Variants in TNFRSF1B observed in about 807,000 individuals in gnomAD.
The protein encoded by TNFRSF1B is TNF receptor superfamily member 1B, also known as tumor necrosis factor receptor superfamily member 1B.
Under a neutral mutation model 44.6 loss-of-function variants are expected in TNFRSF1B, and 19 were observed. That is an observed-to-expected ratio of 0.43 (90% CI 0.30 to 0.62). TNFRSF1B has a LOEUF of 0.62. Among genes scored for constraint, TNFRSF1B ranks in the 20% least tolerant of loss-of-function variants. The probability of loss-of-function intolerance (pLI) is 0.16; values close to 1 mark genes in which losing one functional copy is unlikely to be tolerated. For missense variants in TNFRSF1B, 541 were observed against 619.9 expected (o/e 0.87, Z 1.35); for synonymous variants, 252 against 261.1 (o/e 0.97, Z 0.34).
At chr1:12,173,600 T>C (rs572516176) in intron 1 of TNFRSF1B, among the ~76,000 whole-genome samples, 12 of 152,312 alleles carry the variant, frequency 7.9e-5, no homozygotes, top group African/African-American at 2.2e-4. Flanking sequence ...AAGTCCTTAC[T>C]GTAGGCAGGC....
At position 12,193,036 on chromosome 1, in the gene TNFRSF1B, T is replaced by C; in HGVS notation, c.725T>C (p.Leu242Pro). The change falls in exon 6 of 10, where the codon CTG becomes CCG. Residue 242 changes from leucine (L) to proline (P), a missense_variant. Transcript: ENST00000376259. ...EPSTAPSTSF[L>P]LPMGPSPPAE... ...AGCACTGCTCCAAGCACCTCCTTCC[T>C]GCTCCCAATGGGCCCCAGCCCCCCA... 9 of 1,614,192 alleles carry C rather than the reference T, an allele frequency of 5.6e-6. No individual in the cohort carries two copies. The highest frequency in any genetic ancestry group is 7.6e-6 in the Non-Finnish European group (9 of 1,180,038).
intron 1 of TNFRSF1B, among the ~76,000 whole-genome samples, chr1:12,183,850 T>TCTATCTATCTAC (rs1390376605): frequency 0.012 from 1,625 of 137,192 alleles, 24 homozygotes; most frequent in South Asian, 0.024. Context: ...TATCTATCTA[T>TCTATCTATCTAC]CTACCTACCT....
chr1:12,183,707 TCTATTCTATCTAC>T (rs1638885194), intron 1 of TNFRSF1B, among the ~76,000 whole-genome samples: 40 of 107,004 alleles, frequency 3.7e-4, no homozygotes, highest in African/African-American at 1.0e-3. Context: ...TATCTATCTA[TCTATTCTATCTAC>T]CTATCTATCT....
intron 1 of TNFRSF1B, among the ~76,000 whole-genome samples, chr1:12,188,178 A>G (rs1639027997): frequency 6.7e-6 from 1 of 149,442 alleles, no homozygotes; most frequent in Non-Finnish European, 1.5e-5. Flanking sequence ...TGCTGTCTGC[A>G]TCACATGAGT....
chr1:12,193,379 C>T (rs1639194373), intron 6 of TNFRSF1B, among the ~76,000 whole-genome samples: 1 of 152,178 alleles, frequency 6.6e-6, no homozygotes. Flanking sequence ...AGTTTGAGGT[C>T]AGTCTGGGTA....
At chr1:12,173,013 C>A (rs1638556815) in intron 1 of TNFRSF1B, among the ~76,000 whole-genome samples, 1 of 152,326 alleles carries the variant, frequency 6.6e-6, no homozygotes, top group South Asian at 2.1e-4. Context: ...TATGGGGGCT[C>A]TTCTGAGATC....
intron 1 of TNFRSF1B, among the ~76,000 whole-genome samples, chr1:12,183,633 T>G (rs1638863722): frequency 6.6e-6 from 1 of 151,182 alleles, no homozygotes. Context: ...GTCTGTTTTA[T>G]CTATCTAGCT....
chr1:12,175,952 C>T (rs1188885013), intron 1 of TNFRSF1B, among the ~76,000 whole-genome samples: 4 of 151,884 alleles, frequency 2.6e-5, no homozygotes, highest in Non-Finnish European at 2.9e-5. Flanking sequence ...CGGTGGCTCA[C>T]GCCTGTAATC....
Position 12,202,167 on chromosome 1 carries a change from C to T in TNFRSF1B, c.1101C>T (p.Ser367=), listed in dbSNP as rs770911543. The part of the protein sequence containing the change: ...GAGEARASTG[S]SDSSPGGHGT... ...GGGAGGCCCGGGCCAGCACCGGGAGCTCAGGTAAGAGGTGGGAGCACACCT... is the reference window on the plus strand; with the variant it reads ...GGGAGGCCCGGGCCAGCACCGGGAGTTCAGGTAAGAGGTGGGAGCACACCT... Residue 367 remains serine, a synonymous_variant, in exon 9 of 10, where the codon AGC becomes AGT. Transcript: ENST00000376259. 3.6e-4 allele frequency: 561 copies of T among 1,546,132 alleles called. No homozygotes were observed. The highest frequency in any genetic ancestry group is 4.6e-4 in the Non-Finnish European group (525 of 1,147,602).
chr1:12,193,083 T>C lies in TNFRSF1B; in HGVS notation c.772T>C (p.Phe258Leu), dbSNP rs1195932298. 1.2e-6 allele frequency: 2 copies of C among 1,613,820 alleles called. No individual in the cohort carries two copies. The highest frequency in any genetic ancestry group is 2.7e-5 in the African/African-American group (2 of 74,936). The change falls in exon 6 of 10, where the codon TTC becomes CTC. Residue 258 changes from phenylalanine to leucine, a missense_variant. Transcript: ENST00000376259. ...CCCAGCTGAAGGGAGCACTGGCGAC[T>C]TCGCTCTTCCAGTTGGTAAGTCGCA... The part of the protein sequence containing the change: ...SPPAEGSTGD[F>L]ALPVGLIVGV...
intron 1 of TNFRSF1B, among the ~76,000 whole-genome samples, chr1:12,183,702 A>AT (rs747853787): frequency 0.029 from 3,606 of 125,580 alleles, 99 homozygotes; most frequent in East Asian, 0.057. Context: ...CTATCTATCT[A>AT]TCTATCTATT....
chr1:12,191,968 C>T, intron 4 of TNFRSF1B, 45 bp downstream of exon 4: 5 of 1,584,392 alleles, frequency 3.2e-6, no homozygotes, highest in Non-Finnish European at 4.3e-6. Flanking sequence ...ATGGGCCTCT[C>T]CTTTGTAGAC....
At chr1:12,192,380 C>T (rs1290484824) in intron 4 of TNFRSF1B, 51 bp from the exon 5 acceptor site, 1 of 1,585,682 alleles carries the variant, frequency 6.3e-7, no homozygotes, top group African/African-American at 1.3e-5. Context: ...CAAGGCCCAG[C>T]TGTCCCGCAG....
rs572617971 is a variant in TNFRSF1B at position 12,169,649 on chromosome 1, C to T, written c.78+2480C>T. Among the ~76,000 whole-genome samples, 19 of 152,372 alleles carry T rather than the reference C, an allele frequency of 1.2e-4. No homozygotes were observed. In the South Asian group the frequency reaches 2.9e-3, roughly 23 times the overall value. On this transcript the variant is annotated intron_variant, in intron 1 of 9. Transcript: ENST00000376259. This position sits in a 1 kb window ranked among gnomAD's most constrained non-coding sequence, Gnocchi z 4.5. The stretch of plus-strand genomic sequence containing the variant: ...CCAGGAGACCTGAGCTAGCCATGGA[C>T]GCAGCCGACTCACTGCCAGCAGGGC...
intron 8 of TNFRSF1B, among the ~76,000 whole-genome samples, chr1:12,198,758 T>C (rs888002216): frequency 7.0e-6 from 1 of 143,360 alleles, no homozygotes; most frequent in African/African-American, 2.6e-5. Context: ...TGGCACAATC[T>C]TGGCTCACTG....
chr1:12,184,480 G>C (rs560134471), intron 1 of TNFRSF1B, among the ~76,000 whole-genome samples: 2 of 151,860 alleles, frequency 1.3e-5, no homozygotes, highest in South Asian at 2.1e-4. Flanking sequence ...GCCGGCTACC[G>C]GGGGGGCTGG....
Position 12,178,884 on chromosome 1 carries a change from GA to G in TNFRSF1B, c.79-9910del, listed in dbSNP as rs1358092863. Among the ~76,000 whole-genome samples, 2 of 152,116 alleles carry G rather than the reference GA, an allele frequency of 1.3e-5. No individual in the cohort carries two copies. The highest frequency in any genetic ancestry group is 2.9e-5 in the Non-Finnish European group (2 of 68,004). Reference sequence around the variant, plus strand: ...TAAGGAGAGTCAGGCTTGATTGTAGGAAGGGGGCTTAGGTCCATCTGAAAGG... The same window carrying G: ...TAAGGAGAGTCAGGCTTGATTGTAGGAGGGGGCTTAGGTCCATCTGAAAGG... On this transcript the variant is annotated intron_variant, in intron 1 of 9. Transcript: ENST00000376259. The surrounding 1 kb of genome is among the most constrained non-coding windows in gnomAD (Gnocchi z 4.3).
intron 1 of TNFRSF1B, among the ~76,000 whole-genome samples, chr1:12,182,524 T>C (rs933762798): frequency 6.6e-6 from 1 of 152,236 alleles, no homozygotes; most frequent in African/African-American, 2.4e-5. Flanking sequence ...TGCTACTGTT[T>C]ACCCAGCACC....
chr1:12,191,871 G>C lies in TNFRSF1B; in HGVS notation c.405G>C (p.Arg135=), dbSNP rs1257221513. 1 of 1,611,498 alleles carries C rather than the reference G, an allele frequency of 6.2e-7. No individual in the cohort carries two copies. The highest frequency in any genetic ancestry group is 8.5e-7 in the Non-Finnish European group (1 of 1,179,546). ...YCALSKQEGC[R]LCAPLRKCRP... ...CGCTGAGCAAGCAGGAGGGGTGCCG[G>C]CTGTGCGCGCCGCTGCGCAAGTGCC... The change falls in exon 4 of 10, where the codon CGG becomes CGC. Residue 135 remains arginine, a synonymous_variant. Coordinates refer to ENST00000376259, the MANE Select transcript of TNFRSF1B (RefSeq NM_001066.3).
Sources: gnomAD v4.1 joint callset for allele counts (sites outside exome capture counted in the v4.1 genomes callset) on GRCh38, gnomAD v4.1.1 for gene constraint, Gnocchi (gnomAD v3.1) non-coding constraint, MANE v1.5 for transcripts, NCBI Gene and HGNC (gene_info 2026-07-23, HGNC 2026-07-21) for gene names.